RSRC1: variants seen among roughly 807,000 people sequenced by gnomAD.
The protein encoded by RSRC1 is arginine and serine rich coiled-coil 1, also known as serine/Arginine-related protein 53.
A neutral mutation model predicts 49.1 loss-of-function variants in RSRC1; 39 were observed. The observed-to-expected ratio is 0.79, with a 90% confidence interval of 0.61 to 1.04. RSRC1 has a LOEUF of 1.04. Ranked by LOEUF, RSRC1 falls within the 50% of genes least tolerant of loss-of-function variation. The probability of loss-of-function intolerance (pLI) is 0.00; values close to 1 mark genes in which losing one functional copy is unlikely to be tolerated. For synonymous variants in RSRC1, 143 were observed against 130.8 expected (o/e 1.09, Z -0.63); for missense variants, 388 against 402.4 (o/e 0.96, Z 0.31).
rs1370123256 is a variant in RSRC1 at position 158,229,290 on chromosome 3, ACACG to A, written c.494+26046_494+26049del. The stretch of plus-strand genomic sequence containing the variant: ...TGTATGTATGTATATAAACATACAC[ACACG>A]TATATGTGTATGTATGTATATAAAC... On this transcript the variant is annotated intron_variant, in intron 4 of 9. Transcript: ENST00000611884. Among the ~76,000 whole-genome samples the A allele has an allele frequency of 3.3e-3, 77 of 23,340 alleles. 4 individuals are homozygous for A. Among genetic ancestry groups the A allele is most frequent in the African/African-American group, 0.015 (76 of 5,030 alleles). 15.3% of individuals were successfully genotyped at this position (23,340 alleles called of 152,430 possible). A position where few individuals can be genotyped will look rare whatever the true frequency, so the allele number is the denominator to read the frequency against.
Position 158,539,555 on chromosome 3 carries a change from G to A in RSRC1, c.759+2357G>A, listed in dbSNP as rs1576616589. Among the ~76,000 whole-genome samples, 1 of 151,982 alleles carries A rather than the reference G, an allele frequency of 6.6e-6. No homozygotes were observed. Among genetic ancestry groups the A allele is most frequent in the Non-Finnish European group, 1.5e-5 (1 of 67,966 alleles). ...AAGGGTAAATACCCCTATGCAGCATGGTCTTTTGGCCTACTTGGAAGTAGA... is the reference window on the plus strand; with the variant it reads ...AAGGGTAAATACCCCTATGCAGCATAGTCTTTTGGCCTACTTGGAAGTAGA... On this transcript the variant is annotated intron_variant, in intron 8 of 9. Coordinates refer to ENST00000611884, the MANE Select transcript of RSRC1 (RefSeq NM_001271838.2). The surrounding 1 kb of genome is among the most constrained non-coding windows in gnomAD (Gnocchi z 4.1).
chr3:158,233,933 C>T (rs1041135533), intron 4 of RSRC1, among the ~76,000 whole-genome samples: 4 of 152,098 alleles, frequency 2.6e-5, no homozygotes, highest in African/African-American at 4.8e-5. Context: ...TTCTCTATCT[C>T]CCTGGATAAC....
chr3:158,369,939 A>G (rs911498857), intron 6 of RSRC1, among the ~76,000 whole-genome samples: 3 of 152,064 alleles, frequency 2.0e-5, no homozygotes, highest in Admixed American at 2.0e-4. Flanking sequence ...TTCACTTACA[A>G]CTAGGAGAAT....
At chr3:158,246,241 C>G (rs1723880651) in intron 4 of RSRC1, among the ~76,000 whole-genome samples, 1 of 124,082 alleles carries the variant, frequency 8.1e-6, no homozygotes, top group Non-Finnish European at 1.7e-5. Context: ...ACACCAGGGC[C>G]TGTTGTGGGG....
chr3:158,440,797 G>A (rs1280306694), intron 6 of RSRC1, among the ~76,000 whole-genome samples: 1 of 151,908 alleles, frequency 6.6e-6, no homozygotes, highest in African/African-American at 2.4e-5. Flanking sequence ...TACAAAATTA[G>A]CTGGGTGTGG....
rs549810003 is a variant in RSRC1, at chr3:158,279,620, A to G, written c.495-18419A>G. 6.6e-5 allele frequency among the ~76,000 whole-genome samples: 10 copies of G among 152,332 alleles called. No homozygotes were observed. In the South Asian group the frequency reaches 1.9e-3, roughly 28 times the overall value. ...AACTACCATAAATTGAATATAGGTT[A>G]TTTTTTATTTTATGCAAGCAGATAT... On this transcript the variant is annotated intron_variant, in intron 4 of 9. Coordinates refer to ENST00000611884, the MANE Select transcript of RSRC1 (RefSeq NM_001271838.2).
intron 4 of RSRC1, among the ~76,000 whole-genome samples, chr3:158,257,477 T>A (rs1182869913): frequency 6.6e-6 from 1 of 152,210 alleles, no homozygotes; most frequent in African/African-American, 2.4e-5. Context: ...TTTTTGTTTT[T>A]TATTAGCATA....
chr3:158,455,259 T>G (rs568557988), intron 6 of RSRC1, among the ~76,000 whole-genome samples: 3 of 152,242 alleles, frequency 2.0e-5, no homozygotes, highest in Non-Finnish European at 2.9e-5. Context: ...TGATGCAGTA[T>G]CAAAGACTGG....
intron 7 of RSRC1, among the ~76,000 whole-genome samples, chr3:158,466,767 T>C (rs901246424): frequency 2.9e-4 from 44 of 152,138 alleles, no homozygotes; most frequent in Admixed American, 7.2e-4. Flanking sequence ...GATAGTATTT[T>C]AAAAGCACTT....
intron 6 of RSRC1, among the ~76,000 whole-genome samples, chr3:158,397,246 A>G (rs1170096556): frequency 6.6e-6 from 1 of 152,220 alleles, no homozygotes; most frequent in East Asian, 1.9e-4. Context: ...ACTAACCAAT[A>G]CAAATAACTC....
chr3:158,402,780 T>C (rs957680531), intron 6 of RSRC1, among the ~76,000 whole-genome samples: 4 of 151,890 alleles, frequency 2.6e-5, no homozygotes, highest in Admixed American at 2.6e-4. Flanking sequence ...AGGTACATGC[T>C]GTCAGGACCA....
chr3:158,218,059 T>A (rs1722046646), intron 4 of RSRC1, among the ~76,000 whole-genome samples: 1 of 151,292 alleles, frequency 6.6e-6, no homozygotes, highest in African/African-American at 2.4e-5. Context: ...GAAGCTAGAA[T>A]GGAGAGGAGG....
chr3:158,138,398 C>G (rs984767400), intron 3 of RSRC1, among the ~76,000 whole-genome samples: 1 of 152,122 alleles, frequency 6.6e-6, no homozygotes, highest in African/African-American at 2.4e-5. Flanking sequence ...TTGGCAGTAC[C>G]AAATTTCTTG....
chr3:158,250,464 C>A (rs1026644594), intron 4 of RSRC1, among the ~76,000 whole-genome samples: 38 of 152,298 alleles, frequency 2.5e-4, no homozygotes, highest in African/African-American at 8.7e-4. Flanking sequence ...TCTTCACATA[C>A]TCACCAGCAT....
At chr3:158,314,371 G>A (rs1408218786) in intron 5 of RSRC1, among the ~76,000 whole-genome samples, 1 of 151,130 alleles carries the variant, frequency 6.6e-6, no homozygotes, top group Non-Finnish European at 1.5e-5. Flanking sequence ...GGGATTACAG[G>A]TGTGAGTCAC....
intron 5 of RSRC1, among the ~76,000 whole-genome samples, chr3:158,343,440 T>C (rs116133927): frequency 1.1e-3 from 162 of 152,032 alleles, no homozygotes; most frequent in African/African-American, 3.6e-3. Context: ...ATATAACATA[T>C]ATTAAAGAGA....
At position 158,276,862 on chromosome 3, in the gene RSRC1, A is replaced by G. The variant is rs1725848161; in HGVS notation, c.495-21177A>G. 3.3e-5 allele frequency among the ~76,000 whole-genome samples: 5 copies of G among 152,196 alleles called. No individual in the cohort carries two copies. In the South Asian group the frequency reaches 1.0e-3, roughly 32 times the overall value. The stretch of plus-strand genomic sequence containing the variant: ...ATTGTCATGCAAATATCAAAATGAG[A>G]AGAATACAACACATCTCTTTTTGCC... On this transcript the variant is annotated intron_variant, in intron 4 of 9. Coordinates refer to ENST00000611884, the MANE Select transcript of RSRC1 (RefSeq NM_001271838.2).
At chr3:158,483,653 T>C (rs977144028) in intron 7 of RSRC1, among the ~76,000 whole-genome samples, 2 of 152,038 alleles carry the variant, frequency 1.3e-5, no homozygotes, top group Admixed American at 1.3e-4. Flanking sequence ...TAAAAATGTT[T>C]ATAGGTATTT....
chr3:158,376,568 T>A (rs6791431), intron 6 of RSRC1, among the ~76,000 whole-genome samples: 79,312 of 151,866 alleles, frequency 0.52, 21,107 homozygotes, highest in African/African-American at 0.61. Context: ...ACTAAGCTCT[T>A]CTTGGGTTCC....
Sources: gnomAD v4.1 joint callset for allele counts (sites outside exome capture counted in the v4.1 genomes callset) on GRCh38, gnomAD v4.1.1 for gene constraint, Gnocchi (gnomAD v3.1) non-coding constraint, MANE v1.5 for transcripts, NCBI Gene and HGNC (gene_info 2026-07-23, HGNC 2026-07-21) for gene names.